The following KCNG4 variants were observed in gnomAD, a reference collection of about 807,000 sequenced individuals.
KCNG4 encodes the protein voltage-gated potassium channel regulatory subunit KCNG4.
In KCNG4, 30 loss-of-function variants were observed where a neutral mutation model predicts 28.2. The observed-to-expected ratio is 1.06, with a 90% CI of 0.80 to 1.44. The LOEUF (loss-of-function observed/expected upper bound fraction) is 1.44. Ranked by LOEUF, KCNG4 falls within the 40% of genes most tolerant of loss-of-function variation. The probability of loss-of-function intolerance (pLI) is 0.00; values close to 1 mark genes in which losing one functional copy is unlikely to be tolerated. For synonymous variants in KCNG4, 375 were observed against 315.5 expected, an observed-to-expected ratio of 1.19 and a Z score of -2.00; for missense variants, 879 against 712.3, an observed-to-expected ratio of 1.23 and a Z score of -2.66.
In KCNG4 at chr16:84,219,754, C is replaced by G. The variant is rs1046698743; in HGVS notation, c.*2463G>C. 6 of 141,414 alleles carry G rather than the reference C, an allele frequency of 4.2e-5. No individual in the cohort carries two copies. Among genetic ancestry groups the G allele is most frequent in the African/African-American group, 1.1e-4 (4 of 37,954 alleles). The allele number at this position is 141,414 out of a possible 1,614,324, so 8.8% of individuals were successfully genotyped here. On this transcript the variant is annotated 3_prime_UTR_variant, in exon 3 of 3. Transcript: ENST00000308251. The stretch of plus-strand genomic sequence containing the variant: ...AAAAAAAAAAAAAAAAAATGTTAGT[C>G]TGGGCCGGGTGCGGTGGCTCGTGCC...
chr16:84,233,795 AAAAGG>A (rs1567626554), intron 2 of KCNG4, among the ~76,000 whole-genome samples: 1 of 152,178 alleles, frequency 6.6e-6, no homozygotes, highest in African/African-American at 2.4e-5. Context: ...AAAACAAAAG[AAAAGG>A]AAAGGAAAGA....
At chr16:84,238,713 C>T (rs1236353409) in intron 1 of KCNG4, among the ~76,000 whole-genome samples, 1 of 152,072 alleles carries the variant, frequency 6.6e-6, no homozygotes, top group East Asian at 1.9e-4. Context: ...ACTAAAAATA[C>T]AAAAATTAGC....
rs16963081 is a variant in KCNG4, at chr16:84,226,170, G to A, written c.757-3150C>T. On this transcript the variant is annotated intron_variant, in intron 2 of 2. Coordinates refer to ENST00000308251, the MANE Select transcript of KCNG4 (RefSeq NM_172347.3). The surrounding 1 kb of genome is among the most constrained non-coding windows in gnomAD (Gnocchi z 4.1). ...TGTTCTGGCTCCTTCCTGCAATGAA[G>A]AAGAGCAAGCGTCAGCCTGGAGAAG... Among the ~76,000 whole-genome samples the A allele has an allele frequency of 0.025, 3,816 of 152,294 alleles. 185 individuals carry two copies. The highest frequency in any genetic ancestry group is 0.088 in the African/African-American group (3,675 of 41,558).
intron 2 of KCNG4, among the ~76,000 whole-genome samples, chr16:84,233,207 G>A (rs1904867267): frequency 6.6e-6 from 1 of 152,196 alleles, no homozygotes; most frequent in Non-Finnish European, 1.5e-5. Flanking sequence ...TTTCATAGAG[G>A]AGGAAACTGA....
At position 84,220,082 on chromosome 16, in the gene KCNG4, G is replaced by A. The variant is rs1272276636; in HGVS notation, c.*2135C>T. 3.3e-5 allele frequency: 5 copies of A among 151,848 alleles called. No individual in the cohort carries two copies. The highest frequency in any genetic ancestry group is 1.9e-4 in the East Asian group (1 of 5,198). The allele number at this position is 151,848 out of a possible 1,614,324, so 9.4% of individuals were successfully genotyped here. A position where few individuals can be genotyped will look rare whatever the true frequency, so the allele number is the denominator to read the frequency against. On this transcript the variant is annotated 3_prime_UTR_variant, in exon 3 of 3. Coordinates refer to ENST00000308251, the MANE Select transcript of KCNG4 (RefSeq NM_172347.3). ...TGTCAATAAATAAATAAATAAATAA[G>A]TAATAAATAAAATGTTACTCTGGAA... is the stretch of plus-strand genomic sequence containing the variant.
At chr16:84,231,380 A>T in intron 2 of KCNG4, among the ~76,000 whole-genome samples, 1 of 152,166 alleles carries the variant, frequency 6.6e-6, no homozygotes, top group Non-Finnish European at 1.5e-5. Flanking sequence ...TAGTAGCAGG[A>T]AAGAGGAAGA....
rs759718798 is a variant in KCNG4, at chr16:84,222,203, T to TG, written c.*13dup. The TG allele has an allele frequency of 2.4e-5, 38 of 1,612,514 alleles. No individual in the cohort carries two copies. The highest frequency in any genetic ancestry group is 3.3e-4 in the Middle Eastern group (2 of 6,080). On this transcript the variant is annotated 3_prime_UTR_variant, in exon 3 of 3. Transcript: ENST00000308251. ...ATGGGTTGAGGTTACCATGTAGTCA[T>TG]GGGGGGTGCTGAGTTACATGTGCAT...
In KCNG4 at chr16:84,222,143, T is replaced by C; in HGVS notation, c.*74A>G. The C allele has an allele frequency of 6.8e-7, 1 of 1,480,066 alleles. No individual in the cohort carries two copies. 91.7% of individuals were successfully genotyped at this position (1,480,066 alleles called of 1,614,324 possible). On this transcript the variant is annotated 3_prime_UTR_variant, in exon 3 of 3. Coordinates refer to ENST00000308251, the MANE Select transcript of KCNG4 (RefSeq NM_172347.3). ...TCTAGAAACACCACCAGGTGGTCTATGCGGGGTACCCTTGAGTGTGTTTCA... is the reference window on the plus strand; with the variant it reads ...TCTAGAAACACCACCAGGTGGTCTACGCGGGGTACCCTTGAGTGTGTTTCA...
At chr16:84,225,408 C>T (rs1215343507) in intron 2 of KCNG4, among the ~76,000 whole-genome samples, 2 of 152,210 alleles carry the variant, frequency 1.3e-5, no homozygotes, top group East Asian at 1.9e-4. Context: ...GAAACCCTGG[C>T]ACCAGAAGCC....
Position 84,220,084 on chromosome 16 carries a change from A to G in KCNG4, c.*2133T>C, listed in dbSNP as rs759356888. On this transcript the variant is annotated 3_prime_UTR_variant, in exon 3 of 3. Transcript: ENST00000308251. ...TCAATAAATAAATAAATAAATAAGT[A>G]ATAAATAAAATGTTACTCTGGAACA... 3.9e-5 allele frequency: 6 copies of G among 152,130 alleles called. No individual in the cohort carries two copies. Among genetic ancestry groups the G allele is most frequent in the Non-Finnish European group, 7.3e-5 (5 of 68,042 alleles). 9.4% of individuals were successfully genotyped at this position (152,130 alleles called of 1,614,324 possible).
At chr16:84,225,940 G>C (rs762564113) in intron 2 of KCNG4, among the ~76,000 whole-genome samples, 4 of 152,220 alleles carry the variant, frequency 2.6e-5, no homozygotes, top group Non-Finnish European at 4.4e-5. Context: ...AGTGTGGGCA[G>C]AGGAAATAAC....
In KCNG4 at chr16:84,231,914, G is replaced by A. The variant is rs1035349376; in HGVS notation, c.756+4816C>T. Among the ~76,000 whole-genome samples the A allele has an allele frequency of 2.0e-5, 3 of 149,568 alleles. No individual in the cohort carries two copies. In the Admixed American group the frequency reaches 2.0e-4, roughly 10 times the overall value. ...AGCTACGTGGGAGGCTGAGGCAGGAGAATTGTTTGAACCCGGGAGGAGGAG... is the reference window on the plus strand; with the variant it reads ...AGCTACGTGGGAGGCTGAGGCAGGAAAATTGTTTGAACCCGGGAGGAGGAG... On this transcript the variant is annotated intron_variant, in intron 2 of 2. Transcript: ENST00000308251.
rs1904516341 is a variant in KCNG4 at position 84,219,869 on chromosome 16, C to G, written c.*2348G>C. The G allele has an allele frequency of 6.6e-6, 1 of 151,900 alleles. No homozygotes were observed. The highest frequency in any genetic ancestry group is 1.5e-5 in the Non-Finnish European group (1 of 68,000). 9.4% of individuals were successfully genotyped at this position (151,900 alleles called of 1,614,324 possible). ...GCCTGTCCACATGGTGAAACCTTGT[C>G]TCTACTAAAAATATCAAATTAGCTG... On this transcript the variant is annotated 3_prime_UTR_variant, in exon 3 of 3. Transcript: ENST00000308251.
At chr16:84,223,105 G>A in intron 2 of KCNG4, 85 bp from the exon 3 acceptor site, 2 of 1,096,032 alleles carry the variant, frequency 1.8e-6, no homozygotes, top group Non-Finnish European at 2.6e-6. Flanking sequence ...ATGCCCATGA[G>A]CTTTGTGCTG....
chr16:84,230,449 G>A (rs1055530790), intron 2 of KCNG4, among the ~76,000 whole-genome samples: 1 of 141,474 alleles, frequency 7.1e-6, no homozygotes, highest in Non-Finnish European at 1.5e-5. Flanking sequence ...GTGGGCGCCT[G>A]TAGTCGCAGC....
At chr16:84,224,823 GT>G (rs1276799674) in intron 2 of KCNG4, among the ~76,000 whole-genome samples, 1 of 152,188 alleles carries the variant, frequency 6.6e-6, no homozygotes, top group African/African-American at 2.4e-5. Flanking sequence ...CACACAGCAA[GT>G]TTTTAGCAAG....
In KCNG4 at chr16:84,237,370, A is replaced by G. The variant is rs1418998290; in HGVS notation, c.116T>C (p.Leu39Pro). Residue 39 changes from leucine (L) to proline (P), a missense_variant, in exon 2 of 3, where the codon CTT becomes CCT. By Grantham distance (98) the Leu-to-Pro change is moderately conservative (BLOSUM62 -3). Coordinates refer to ENST00000308251, the MANE Select transcript of KCNG4 (RefSeq NM_172347.3). ...SPMETPSIKGLYYRRVRKVGA... is the reference protein window; with the variant it reads ...SPMETPSIKGPYYRRVRKVGA... ...CACCTTCCGCACCCTCCGGTAGTAA[A>G]GGCCCTTGATGGACGGCGTCTCCAT... 3.2e-6 allele frequency: 5 copies of G among 1,547,682 alleles called. 1 individual carries two copies. The highest frequency in any genetic ancestry group is 4.4e-6 in the Non-Finnish European group (5 of 1,148,702).
At chr16:84,223,986 T>C (rs1243964543) in intron 2 of KCNG4, among the ~76,000 whole-genome samples, 1 of 152,118 alleles carries the variant, frequency 6.6e-6, no homozygotes, top group African/African-American at 2.4e-5. Context: ...GCGGGGGCCG[T>C]TCTGAGTTCT....
At chr16:84,230,605 C>T (rs1354489153) in intron 2 of KCNG4, among the ~76,000 whole-genome samples, 1 of 152,230 alleles carries the variant, frequency 6.6e-6, no homozygotes, top group East Asian at 1.9e-4. Context: ...CTCTCTGTGC[C>T]TTCCTTCCCC....
Sources: allele counts gnomAD v4.1 joint callset (sites outside exome capture counted in the v4.1 genomes callset), GRCh38; gene constraint gnomAD v4.1.1; non-coding constraint Gnocchi (gnomAD v3.1); transcripts MANE v1.5; gene names NCBI Gene and HGNC (gene_info 2026-07-23, HGNC 2026-07-21).